Variants in HTR4 observed in about 807,000 individuals in gnomAD.
HTR4 encodes the protein 5-hydroxytryptamine receptor 4.
A neutral mutation model predicts 36.8 loss-of-function variants in HTR4; 16 were observed. That is an observed-to-expected ratio of 0.43 (90% confidence interval 0.29 to 0.66). The LOEUF is 0.66. Among genes scored for constraint, HTR4 ranks in the 30% least tolerant of loss-of-function variants. HTR4 has a pLI of 0.13. For synonymous variants in HTR4, 189 were observed against 185.1 expected, an observed-to-expected ratio of 1.02 and a Z score of -0.17; for missense variants, 438 against 490.9, an observed-to-expected ratio of 0.89 and a Z score of 1.02.
intron 2 of HTR4, among the ~76,000 whole-genome samples, chr5:148,600,852 T>C (rs986489066): frequency 6.6e-6 from 1 of 151,050 alleles, no homozygotes; most frequent in Non-Finnish European, 1.5e-5. Context: ...AGCTCCTCCA[T>C]AGCAAAATAA....
At chr5:148,491,778 A>G (rs1426887877) in intron 6 of HTR4, among the ~76,000 whole-genome samples, 1 of 152,124 alleles carries the variant, frequency 6.6e-6, no homozygotes, top group Non-Finnish European at 1.5e-5. Flanking sequence ...TCCTCATTTT[A>G]TTGGTGTTGG....
intron 2 of HTR4, among the ~76,000 whole-genome samples, chr5:148,573,740 C>T (rs999244167): frequency 1.3e-5 from 2 of 151,962 alleles, no homozygotes; most frequent in African/African-American, 4.8e-5. Flanking sequence ...CTCCTCATCC[C>T]TGCCCTAATC....
rs1156592604 is a variant in HTR4 at position 148,524,419 on chromosome 5, G to A, written c.354-1073C>T. 2.0e-5 allele frequency among the ~76,000 whole-genome samples: 3 copies of A among 152,100 alleles called. No individual in the cohort carries two copies. In the East Asian group the frequency reaches 5.8e-4, roughly 29 times the overall value. ...GACCACCCCACTTCCATTTATTAGA[G>A]TCTGACCTCTCTCATGGGACACAGT... On this transcript the variant is annotated intron_variant, in intron 4 of 6. Coordinates refer to ENST00000377888, the MANE Select transcript of HTR4 (RefSeq NM_000870.7).
chr5:148,521,798 G>A (rs1475332717), intron 5 of HTR4, among the ~76,000 whole-genome samples: 1 of 152,022 alleles, frequency 6.6e-6, no homozygotes, highest in East Asian at 1.9e-4. Flanking sequence ...CAGTGCTTCA[G>A]GAAATGAGAC....
intron 2 of HTR4, among the ~76,000 whole-genome samples, chr5:148,559,873 C>G (rs1019291158): frequency 6.6e-6 from 1 of 152,192 alleles, no homozygotes; most frequent in African/African-American, 2.4e-5. Flanking sequence ...TTCTTTTCCC[C>G]GCTTATAAAG....
chr5:148,475,255 G>T (rs1439866573), downstream of HTR4, among the ~76,000 whole-genome samples: 2 of 152,188 alleles, frequency 1.3e-5, no homozygotes, highest in Non-Finnish European at 2.9e-5. Context: ...GAAGCTCAGA[G>T]AAATTAATTA....
In HTR4 at chr5:148,576,118, A is replaced by AAAAAAAAAAC. The variant is rs1457980200; in HGVS notation, c.27-25857_27-25856insGTTTTTTTTT. On this transcript the variant is annotated intron_variant, in intron 2 of 6. Coordinates refer to ENST00000377888, the MANE Select transcript of HTR4 (RefSeq NM_000870.7). ...AGAGCGAGACTCCGTCTCAAAAAAA[A>AAAAAAAAAAC]AAAAAAAAAAAAAAACAAAATCAAT... Among the ~76,000 whole-genome samples the AAAAAAAAAAC allele has an allele frequency of 1.3e-4, 18 of 137,962 alleles. 1 individual carries two copies. Among genetic ancestry groups the AAAAAAAAAAC allele is most frequent in the Non-Finnish European group, 2.6e-4 (16 of 61,338 alleles). The allele number at this position is 137,962 out of a possible 152,430, so 90.5% of individuals were successfully genotyped here.
At chr5:148,594,901 T>A (rs892869250) in intron 2 of HTR4, among the ~76,000 whole-genome samples, 11 of 152,198 alleles carry the variant, frequency 7.2e-5, no homozygotes, top group Non-Finnish European at 1.5e-4. Flanking sequence ...ATAAATAGAT[T>A]AATGTTTTAA....
intron 2 of HTR4, chr5:148,630,339 T>A (rs1753279422): frequency 6.6e-6 from 1 of 151,534 alleles, no homozygotes; most frequent in African/African-American, 2.4e-5. Flanking sequence ...AGACCAGGAG[T>A]CAAAGAGACA....
chr5:148,572,139 G>A (rs547918398), intron 2 of HTR4, among the ~76,000 whole-genome samples: 4 of 152,100 alleles, frequency 2.6e-5, no homozygotes, highest in Non-Finnish European at 4.4e-5. Flanking sequence ...TCCCCTTAGG[G>A]TTGACTGTGG....
At chr5:148,590,987 T>C (rs1282397728) in intron 2 of HTR4, among the ~76,000 whole-genome samples, 1 of 152,208 alleles carries the variant, frequency 6.6e-6, no homozygotes, top group Non-Finnish European at 1.5e-5. Context: ...CTTTAATCCA[T>C]ATTGAGTTGA....
chr5:148,616,918 C>G (rs1464511783), intron 2 of HTR4, among the ~76,000 whole-genome samples: 2 of 152,148 alleles, frequency 1.3e-5, no homozygotes, highest in South Asian at 2.1e-4. Context: ...GGTAAATGAT[C>G]AGCTATTAGA....
chr5:148,464,034 CAAAA>C (rs34212190), intron 5 of HTR4, among the ~76,000 whole-genome samples: 1 of 99,724 alleles, frequency 1.0e-5, no homozygotes, highest in Non-Finnish European at 2.1e-5. Context: ...CATTGACATG[CAAAA>C]AAAAAAAAAA....
intron 6 of HTR4, chr5:148,490,775 C>G (rs1756380680): frequency 8.8e-7 from 1 of 1,141,990 alleles, no homozygotes; most frequent in Admixed American, 2.3e-5. Context: ...CTTATAACCT[C>G]AATCCTTTGT....
chr5:148,452,527 C>G (rs1754998810), intron 5 of HTR4, among the ~76,000 whole-genome samples: 1 of 152,124 alleles, frequency 6.6e-6, no homozygotes, highest in Non-Finnish European at 1.5e-5. Context: ...CAGTGTTGTA[C>G]GATACATAGC....
At chr5:148,582,423 G>T (rs1236029459) in intron 2 of HTR4, among the ~76,000 whole-genome samples, 1 of 149,852 alleles carries the variant, frequency 6.7e-6, no homozygotes, top group Non-Finnish European at 1.5e-5. Context: ...TTACCCAATA[G>T]TTAGTTTTTC....
intron 2 of HTR4, among the ~76,000 whole-genome samples, chr5:148,586,151 C>A (rs1196784031): frequency 1.3e-5 from 2 of 152,084 alleles, no homozygotes; most frequent in Non-Finnish European, 2.9e-5. Flanking sequence ...AGGGCAGACA[C>A]CTTATCTGCC....
chr5:148,628,044 T>A (rs1701802735), intron 2 of HTR4, among the ~76,000 whole-genome samples: 1 of 152,218 alleles, frequency 6.6e-6, no homozygotes, highest in Non-Finnish European at 1.5e-5. Flanking sequence ...GGACTCACAG[T>A]TACGACTCTG....
chr5:148,563,215 G>T (rs1377040784), intron 2 of HTR4, among the ~76,000 whole-genome samples: 1 of 152,056 alleles, frequency 6.6e-6, no homozygotes, highest in African/African-American at 2.4e-5. Flanking sequence ...CTTCCACACT[G>T]TTCCCAGATG....
Sources: gnomAD v4.1 joint callset for allele counts (sites outside exome capture counted in the v4.1 genomes callset) on GRCh38, gnomAD v4.1.1 for gene constraint, MANE v1.5 for transcripts, NCBI Gene and HGNC (gene_info 2026-07-23, HGNC 2026-07-21) for gene names.